PTPN3: variants seen among roughly 807,000 people sequenced by gnomAD.
The protein encoded by PTPN3 is tyrosine-protein phosphatase non-receptor type 3.
In PTPN3, 96 loss-of-function variants were observed where a neutral mutation model predicts 132.7. That is an observed-to-expected ratio of 0.72 (90% confidence interval 0.61 to 0.86). PTPN3 has a LOEUF of 0.86. Among genes scored for constraint, PTPN3 ranks in the 40% least tolerant of loss-of-function variants. The probability of loss-of-function intolerance (pLI) is 0.00; values close to 1 mark genes in which losing one functional copy is unlikely to be tolerated. For missense variants in PTPN3, 1,125 were observed against 1,159.6 expected (o/e 0.97, Z 0.43); for synonymous variants, 398 against 429.0 (o/e 0.93, Z 0.89).
chr9:109,382,174 G>T, intron 24 of PTPN3, 128 bp downstream of exon 24: 1 of 1,184,538 alleles, frequency 8.4e-7, no homozygotes, highest in Non-Finnish European at 1.2e-6. Context: ...AAGAACCACA[G>T]TCAACAGAGG....
Position 109,408,340 on chromosome 9 carries a change from C to A in PTPN3, c.1616G>T (p.Arg539Met). 6.3e-7 allele frequency: 1 copy of A among 1,582,566 alleles called. No homozygotes were observed. The highest frequency in any genetic ancestry group is 8.6e-7 in the Non-Finnish European group (1 of 1,160,250). Residue 539 changes from arginine to methionine, a missense_variant, in exon 17 of 26, where the codon AGG (arginine) becomes ATG (methionine). Transcript: ENST00000374541. ...VDQKMPLVVS[R>M]INPESPADTC... ...ACTTACAGGTGACTCTGGGTTTATC[C>A]TTGATACCACAAGAGGCATCTTTTG...
At chr9:109,413,164 C>G (rs1421844755) in intron 14 of PTPN3, among the ~76,000 whole-genome samples, 1 of 150,898 alleles carries the variant, frequency 6.6e-6, no homozygotes, top group African/African-American at 2.4e-5. Context: ...CCATGTTAGT[C>G]AGGATGGTCT....
At chr9:109,385,179 C>A (rs17793551) in intron 22 of PTPN3, among the ~76,000 whole-genome samples, 5,318 of 152,312 alleles carry the variant, frequency 0.035, 147 homozygotes, top group East Asian at 0.15. Flanking sequence ...TCTCTCTTTA[C>A]CTCTGACCAA....
intron 14 of PTPN3, among the ~76,000 whole-genome samples, chr9:109,413,297 AGTC>A (rs1172135872): frequency 9.2e-5 from 14 of 152,136 alleles, no homozygotes; most frequent in African/African-American, 3.4e-4. Context: ...GGTTACTCTT[AGTC>A]ATTTATTTCA....
chr9:109,505,753 CTT>C, the PTPN3 span, among the ~76,000 whole-genome samples: 13 of 143,470 alleles, frequency 9.1e-5, no homozygotes, highest in Admixed American at 7.0e-5. Context: ...ACATCAACTT[CTT>C]TTTTTTTTTT....
the PTPN3 span, among the ~76,000 whole-genome samples, chr9:109,523,088 G>C: frequency 1.3e-5 from 2 of 150,896 alleles, no homozygotes; most frequent in African/African-American, 4.9e-5. Context: ...TAAAGTGCCT[G>C]GAATAGTGCT....
chr9:109,453,754 A>G (rs1056211728), intron 5 of PTPN3, among the ~76,000 whole-genome samples: 1 of 152,040 alleles, frequency 6.6e-6, no homozygotes, highest in African/African-American at 2.4e-5. Context: ...TCATGCCTAT[A>G]ATCCCAGCAC....
chr9:109,418,934 C>A (rs1361969352), intron 14 of PTPN3, among the ~76,000 whole-genome samples: 2 of 152,154 alleles, frequency 1.3e-5, no homozygotes, highest in Non-Finnish European at 2.9e-5. Flanking sequence ...ACCGTTTTCT[C>A]CTTTTGCCAA....
At chr9:109,466,977 C>A (rs1846129212) in intron 1 of PTPN3, among the ~76,000 whole-genome samples, 1 of 152,090 alleles carries the variant, frequency 6.6e-6, no homozygotes, top group Non-Finnish European at 1.5e-5. Flanking sequence ...AAGCAAACCT[C>A]CCTTCTTCCT....
intron 25 of PTPN3, among the ~76,000 whole-genome samples, chr9:109,380,893 C>G (rs1383469394): frequency 2.6e-5 from 4 of 152,114 alleles, no homozygotes; most frequent in African/African-American, 9.7e-5. Context: ...CCAAATCCTG[C>G]TTTAGATACT....
At chr9:109,525,605 C>T in the PTPN3 span, among the ~76,000 whole-genome samples, 1 of 152,198 alleles carries the variant, frequency 6.6e-6, no homozygotes, top group Non-Finnish European at 1.5e-5. Context: ...GAAACAACTT[C>T]ATGGAGAATC....
At chr9:109,425,874 C>T (rs1202843656) in intron 12 of PTPN3, among the ~76,000 whole-genome samples, 4 of 151,648 alleles carry the variant, frequency 2.6e-5, no homozygotes, top group Non-Finnish European at 4.4e-5. Flanking sequence ...ATTAGCCAGG[C>T]GTGGTGGTGT....
At chr9:109,474,730 G>A (rs964484540) in intron 1 of PTPN3, among the ~76,000 whole-genome samples, 3 of 152,148 alleles carry the variant, frequency 2.0e-5, no homozygotes, top group African/African-American at 7.2e-5. Flanking sequence ...ATAAGATTAG[G>A]TACTTCAAAA....
intron 7 of PTPN3, among the ~76,000 whole-genome samples, chr9:109,441,463 C>T (rs1386055625): frequency 6.6e-6 from 1 of 152,084 alleles, no homozygotes; most frequent in East Asian, 1.9e-4. Context: ...TCTCCCCTCT[C>T]CCTAAGCAGG....
rs140802922 is a variant in PTPN3 at position 109,389,341 on chromosome 9, G to A, written c.2145C>T (p.Ile715=). 9.4e-3 allele frequency: 15,149 copies of A among 1,613,942 alleles called. 116 individuals carry two copies. The highest frequency in any genetic ancestry group is 0.011 in the Non-Finnish European group (13,514 of 1,179,894). ...TATGCGGCAGGGGCCCCTGAGTGGC[G>A]ATGTACTTGTTCACAAGGTTAGCAG... ...IPAANLVNKY[I]ATQGPLPHTC... is the part of the protein sequence containing the mutation. The change falls in exon 22 of 26, where the codon ATC becomes ATT. Residue 715 remains isoleucine, a synonymous_variant. Coordinates refer to ENST00000374541, the MANE Select transcript of PTPN3 (RefSeq NM_002829.4).
chr9:109,441,345 C>T (rs17793748), intron 7 of PTPN3, among the ~76,000 whole-genome samples: 7,252 of 152,230 alleles, frequency 0.048, 344 homozygotes, highest in East Asian at 0.28. Flanking sequence ...GCATTTCAAG[C>T]TGCCCGGCTG....
intron 7 of PTPN3, among the ~76,000 whole-genome samples, chr9:109,438,543 C>T (rs1844223325): frequency 1.3e-5 from 2 of 152,190 alleles, no homozygotes; most frequent in Admixed American, 6.5e-5. Flanking sequence ...CTCTTCCATA[C>T]ACTGTGGTCA....
At chr9:109,460,471 CTCCATGCGA>C (rs1845791092) in intron 2 of PTPN3, among the ~76,000 whole-genome samples, 1 of 152,130 alleles carries the variant, frequency 6.6e-6, no homozygotes, top group Non-Finnish European at 1.5e-5. Context: ...ATCTACAAGG[CTCCATGCGA>C]TCCCCCACCC....
At chr9:109,437,635 GGGGCAACTGCAGA>G (rs1844149530) in intron 8 of PTPN3, among the ~76,000 whole-genome samples, 1 of 152,214 alleles carries the variant, frequency 6.6e-6, no homozygotes, top group Non-Finnish European at 1.5e-5. Context: ...CAAATACGCA[GGGGCAACTGCAGA>G]AGACTCATGC....
Sources: gnomAD v4.1 joint callset for allele counts (sites outside exome capture counted in the v4.1 genomes callset) on GRCh38, gnomAD v4.1.1 for gene constraint, MANE v1.5 for transcripts, NCBI Gene and HGNC (gene_info 2026-07-23, HGNC 2026-07-21) for gene names.